Variants in CDH12 observed in about 807,000 individuals in gnomAD.
CDH12 encodes cadherin-12.
Under a neutral mutation model 74.1 loss-of-function variants are expected in CDH12, and 41 were observed. The observed-to-expected ratio is 0.55, with a 90% CI of 0.43 to 0.72. CDH12 has a LOEUF of 0.72. Ranked by LOEUF, CDH12 falls within the 30% of genes least tolerant of loss-of-function variation. The probability of loss-of-function intolerance (pLI) is 0.00; values close to 1 mark genes in which losing one functional copy is unlikely to be tolerated. For missense variants in CDH12, 945 were observed against 977.2 expected (o/e 0.97, Z 0.44); for synonymous variants, 399 against 355.0 (o/e 1.12, Z -1.39).
At chr5:22,580,375 G>GC (rs2126781904) in intron 1 of CDH12, 1 of 473,354 alleles carries the variant, frequency 2.1e-6, no homozygotes, top group Non-Finnish European at 4.3e-6. Flanking sequence ...CACACCAAGT[G>GC]CACGTGGTCC....
intron 1 of CDH12, among the ~76,000 whole-genome samples, chr5:22,806,171 C>T (rs1333554847): frequency 6.6e-6 from 1 of 152,014 alleles, no homozygotes; most frequent in African/African-American, 2.4e-5. Context: ...TGGATATATA[C>T]CCAGTAATGG....
At chr5:21,755,518 A>T in intron 14 of CDH12, 73 bp downstream of exon 14, 1 of 1,329,250 alleles carries the variant, frequency 7.5e-7, no homozygotes, top group South Asian at 1.3e-5. Context: ...GAGGAGAGAG[A>T]TGGAGGAGAG....
intron 1 of CDH12, among the ~76,000 whole-genome samples, chr5:22,515,724 C>A (rs1429875318): frequency 6.6e-6 from 1 of 151,916 alleles, no homozygotes; most frequent in South Asian, 2.1e-4. Context: ...ATTTTTATAT[C>A]CCTACCTCAC....
At chr5:22,037,527 T>C (rs1580150828) in intron 5 of CDH12, among the ~76,000 whole-genome samples, 1 of 152,298 alleles carries the variant, frequency 6.6e-6, no homozygotes, top group South Asian at 2.1e-4. Flanking sequence ...GACAACACCT[T>C]GATTTTTTTC....
At chr5:21,869,944 G>A (rs1415677813) in intron 6 of CDH12, among the ~76,000 whole-genome samples, 1 of 152,146 alleles carries the variant, frequency 6.6e-6, no homozygotes. Flanking sequence ...ATTCCCATGT[G>A]TTGTGGGAGG....
At chr5:22,829,988 C>G (rs534890717) in intron 1 of CDH12, among the ~76,000 whole-genome samples, 2 of 152,228 alleles carry the variant, frequency 1.3e-5, no homozygotes, top group Admixed American at 1.3e-4. Flanking sequence ...AACATATGTA[C>G]CAGATATTAG....
chr5:22,425,062 T>TTATA (rs536783287), intron 2 of CDH12, among the ~76,000 whole-genome samples: 49 of 133,980 alleles, frequency 3.7e-4, no homozygotes, highest in African/African-American at 1.4e-3. Flanking sequence ...ATTTTTACAT[T>TTATA]TATATATATA....
At chr5:22,207,242 G>GA (rs1038145307) in intron 4 of CDH12, among the ~76,000 whole-genome samples, 3 of 142,172 alleles carry the variant, frequency 2.1e-5, no homozygotes, top group Non-Finnish European at 4.6e-5. Context: ...AAAAAAAAAA[G>GA]AAAAAAAAAT....
intron 1 of CDH12, among the ~76,000 whole-genome samples, chr5:22,586,138 T>C (rs1016247920): frequency 6.6e-6 from 1 of 152,088 alleles, no homozygotes; most frequent in Non-Finnish European, 1.5e-5. Context: ...GGCACATATA[T>C]ACCATGGAAT....
intron 1 of CDH12, among the ~76,000 whole-genome samples, chr5:22,573,743 GT>G (rs1192043211): frequency 2.0e-5 from 3 of 151,930 alleles, no homozygotes; most frequent in African/African-American, 4.8e-5. Context: ...AAGATACTTG[GT>G]TAACAAAGTA....
At position 21,944,236 on chromosome 5, in the gene CDH12, T is replaced by C. The variant is rs111258952; in HGVS notation, c.526+30855A>G. Among the ~76,000 whole-genome samples, 400 of 152,284 alleles carry C rather than the reference T, an allele frequency of 2.6e-3. 2 individuals are homozygous for C. Among genetic ancestry groups the C allele is most frequent in the African/African-American group, 9.2e-3 (382 of 41,552 alleles). On this transcript the variant is annotated intron_variant, in intron 6 of 14. Transcript: ENST00000382254. ...TATTACTAACAGTTTAGTGCTCCTATGTATTTTGTAGTACTTCTCTTCAAT... is the reference window on the plus strand; with the variant it reads ...TATTACTAACAGTTTAGTGCTCCTACGTATTTTGTAGTACTTCTCTTCAAT...
chr5:22,428,944 C>T (rs1223825075), intron 2 of CDH12, among the ~76,000 whole-genome samples: 1 of 152,038 alleles, frequency 6.6e-6, no homozygotes, highest in African/African-American at 2.4e-5. Context: ...CAACCTTATA[C>T]CATTGTTTTC....
intron 3 of CDH12, among the ~76,000 whole-genome samples, chr5:22,398,525 G>C (rs1242157830): frequency 1.3e-5 from 2 of 151,970 alleles, no homozygotes; most frequent in African/African-American, 4.8e-5. Context: ...AATCTTCCCT[G>C]GATTTCTTGG....
chr5:22,156,745 T>C (rs2150315583), intron 4 of CDH12, among the ~76,000 whole-genome samples: 1 of 152,286 alleles, frequency 6.6e-6, no homozygotes, highest in African/African-American at 2.4e-5. Context: ...CTGCACTTAA[T>C]CTCATATTGT....
chr5:22,249,242 C>G (rs1753057397), intron 3 of CDH12, among the ~76,000 whole-genome samples: 1 of 152,192 alleles, frequency 6.6e-6, no homozygotes, highest in African/African-American at 2.4e-5. Context: ...TTCCCTGGAC[C>G]CCTGTGAATT....
chr5:21,973,396 CA>C (rs1756937753), intron 6 of CDH12, among the ~76,000 whole-genome samples: 2 of 152,128 alleles, frequency 1.3e-5, no homozygotes, highest in Non-Finnish European at 2.9e-5. Flanking sequence ...ACTCCAACTG[CA>C]AAAGCTGAAA....
chr5:22,626,286 C>A (rs1738292608), intron 1 of CDH12, among the ~76,000 whole-genome samples: 1 of 152,194 alleles, frequency 6.6e-6, no homozygotes, highest in African/African-American at 2.4e-5. Flanking sequence ...CACATGCGGG[C>A]AAACACAGAT....
intron 3 of CDH12, among the ~76,000 whole-genome samples, chr5:22,336,507 T>G (rs1739587590): frequency 6.6e-6 from 1 of 152,188 alleles, no homozygotes; most frequent in Non-Finnish European, 1.5e-5. Flanking sequence ...CCTTGTGCTG[T>G]GTGCAATTTA....
rs1010187377 is a variant in CDH12 at position 21,784,812 on chromosome 5, T to C, written c.1257-1318A>G. Among the ~76,000 whole-genome samples, 5 of 152,312 alleles carry C rather than the reference T, an allele frequency of 3.3e-5. No individual in the cohort carries two copies. The East Asian group carries it at 9.7e-4, about 29-fold the overall frequency. Reference sequence around the variant, plus strand: ...CTGATTATTTGAAACTGTAGCAGTTTGTATGTTATTTCAGTTCTAGGTCAC... The same window carrying C: ...CTGATTATTTGAAACTGTAGCAGTTCGTATGTTATTTCAGTTCTAGGTCAC... On this transcript the variant is annotated intron_variant, in intron 10 of 14. Transcript: ENST00000382254.
Sources: allele counts gnomAD v4.1 joint callset (sites outside exome capture counted in the v4.1 genomes callset), GRCh38; gene constraint gnomAD v4.1.1; transcripts MANE v1.5; gene names NCBI Gene and HGNC (gene_info 2026-07-23, HGNC 2026-07-21).